NLK: variants seen among roughly 807,000 people sequenced by gnomAD.
NLK encodes the protein serine/threonine-protein kinase NLK.
A neutral mutation model predicts 59.0 loss-of-function variants in NLK; 11 were observed. That is an observed-to-expected ratio of 0.19 (90% confidence interval 0.12 to 0.31). The LOEUF (loss-of-function observed/expected upper bound fraction) is 0.31. Among genes scored for constraint, NLK ranks in the 10% least tolerant of loss-of-function variants. NLK has a pLI of 1.00. For missense variants in NLK, 410 were observed against 661.1 expected, an observed-to-expected ratio of 0.62 and a Z score of 4.16; for synonymous variants, 235 against 235.9, an observed-to-expected ratio of 1.00 and a Z score of 0.03.
intron 3 of NLK, 90 bp from the exon 4 acceptor site, chr17:28,161,070 G>A (rs1907984777): frequency 5.7e-6 from 4 of 707,766 alleles, no homozygotes; most frequent in Non-Finnish European, 7.6e-6. Context: ...TTCCAGCCTT[G>A]AGAATGGAAG....
intron 1 of NLK, among the ~76,000 whole-genome samples, chr17:28,056,532 C>A (rs1324784764): frequency 1.3e-5 from 2 of 152,130 alleles, no homozygotes; most frequent in Non-Finnish European, 2.9e-5. Context: ...TAAATGAAAC[C>A]AGGAACGTGC....
At chr17:28,120,433 G>A (rs1305309720) in intron 1 of NLK, among the ~76,000 whole-genome samples, 1 of 152,016 alleles carries the variant, frequency 6.6e-6, no homozygotes, top group East Asian at 1.9e-4. Context: ...TTAAGCAACA[G>A]TCATGAATGT....
intron 3 of NLK, among the ~76,000 whole-genome samples, chr17:28,153,006 G>A (rs1306150946): frequency 1.3e-5 from 2 of 151,460 alleles, no homozygotes; most frequent in South Asian, 2.1e-4. Context: ...AGGCACAGTG[G>A]CTCATGCCTG....
At position 28,172,517 on chromosome 17, in the gene NLK, T is replaced by C; in HGVS notation, c.1048T>C (p.Leu350=). The change falls in exon 7 of 11, where the codon TTG becomes CTG. Residue 350 remains leucine (L), a splice_region_variant and synonymous_variant. Transcript: ENST00000407008. ...LFQAQSPIQQ[L]DLITDLLGTP... ...CTATCTGTATTTTATTTCCTTGTAG[T>C]TGGATTTGATCACGGATCTGTTGGG... The C allele has an allele frequency of 6.4e-7, 1 of 1,566,964 alleles. No individual in the cohort carries two copies. The highest frequency in any genetic ancestry group is 8.6e-7 in the Non-Finnish European group (1 of 1,157,290).
At chr17:28,161,488 T>C (rs957243852) in intron 4 of NLK, among the ~76,000 whole-genome samples, 13 of 152,226 alleles carry the variant, frequency 8.5e-5, no homozygotes, top group African/African-American at 3.1e-4. Flanking sequence ...GAAAGCCCTG[T>C]CAAATTCATT....
At chr17:28,139,781 G>A (rs1906909756) in intron 3 of NLK, among the ~76,000 whole-genome samples, 1 of 152,132 alleles carries the variant, frequency 6.6e-6, no homozygotes, top group Non-Finnish European at 1.5e-5. Flanking sequence ...AACCCATATT[G>A]TATAGTCCAA....
At chr17:28,175,411 A>G (rs1271664378) in intron 7 of NLK, among the ~76,000 whole-genome samples, 3 of 151,810 alleles carry the variant, frequency 2.0e-5, no homozygotes, top group African/African-American at 7.3e-5. Context: ...AGATCACGCC[A>G]CTGCACTCCA....
intron 3 of NLK, among the ~76,000 whole-genome samples, chr17:28,134,440 A>G (rs947020796): frequency 6.6e-6 from 1 of 152,204 alleles, no homozygotes; most frequent in African/African-American, 2.4e-5. Flanking sequence ...AAGCAATATA[A>G]TGACTACTTA....
intron 1 of NLK, among the ~76,000 whole-genome samples, chr17:28,086,383 C>T (rs1910517098): frequency 6.6e-6 from 1 of 151,892 alleles, no homozygotes; most frequent in South Asian, 2.1e-4. Flanking sequence ...AAAATACTGT[C>T]TTTTAGTTGA....
At chr17:28,162,164 C>T (rs933324805) in intron 4 of NLK, among the ~76,000 whole-genome samples, 7 of 151,888 alleles carry the variant, frequency 4.6e-5, no homozygotes, top group Admixed American at 2.0e-4. Context: ...TACAGGTGCC[C>T]GCCACCACGC....
At position 28,042,845 on chromosome 17, in the gene NLK, G is replaced by A. The variant is rs964102957; in HGVS notation, c.-29G>A. On this transcript the variant is annotated 5_prime_UTR_variant, in exon 1 of 11. Transcript: ENST00000407008. ...GCCAAATGACAGCTTGACCCAGTTT[G>A]CTTTCCAATCAAAGGGCATTTATTT... 6 of 1,467,082 alleles carry A rather than the reference G, an allele frequency of 4.1e-6. No homozygotes were observed. The highest frequency in any genetic ancestry group is 5.4e-6 in the Non-Finnish European group (6 of 1,102,054). The allele number at this position is 1,467,082 out of a possible 1,614,324, so 90.9% of individuals were successfully genotyped here. A position where few individuals can be genotyped will look rare whatever the true frequency, so the allele number is the denominator to read the frequency against.
intron 1 of NLK, among the ~76,000 whole-genome samples, chr17:28,121,495 C>CTTTTTTTTTTTTTTTTTTTTT (rs58647578): frequency 2.8e-5 from 2 of 72,290 alleles, no homozygotes; most frequent in African/African-American, 5.8e-5. Context: ...TCTTTCTTTT[C>CTTTTTTTTTTTTTTTTTTTTT]TTTTTTTTTT....
chr17:28,172,754 G>T, intron 7 of NLK, 136 bp downstream of exon 7: 1 of 402,168 alleles, frequency 2.5e-6, no homozygotes. Flanking sequence ...AAGGTCCTAA[G>T]TAAGAAAATG....
At chr17:28,134,075 T>C (rs1246655661) in intron 3 of NLK, among the ~76,000 whole-genome samples, 3 of 151,596 alleles carry the variant, frequency 2.0e-5, no homozygotes, top group African/African-American at 4.8e-5. Context: ...ATGAAAAATA[T>C]TTGAAAAAAA....
chr17:28,120,235 G>GGT (rs10542547), intron 1 of NLK, among the ~76,000 whole-genome samples: 1,681 of 139,142 alleles, frequency 0.012, 19 homozygotes, highest in African/African-American at 0.023. Flanking sequence ...TTTGGCTTGG[G>GGT]GTGTGTGTGT....
At chr17:28,078,267 A>G (rs544016245) in intron 1 of NLK, among the ~76,000 whole-genome samples, 11 of 152,300 alleles carry the variant, frequency 7.2e-5, no homozygotes, top group African/African-American at 2.4e-4. Flanking sequence ...CTGAAATAAC[A>G]TGCCTTTTTT....
At chr17:28,169,727 T>C (rs1336455777) in intron 6 of NLK, among the ~76,000 whole-genome samples, 1 of 148,294 alleles carries the variant, frequency 6.7e-6, no homozygotes, top group Admixed American at 6.7e-5. Flanking sequence ...TCTTCTTTTT[T>C]TTTTTTTTTT....
intron 7 of NLK, among the ~76,000 whole-genome samples, chr17:28,180,781 A>G (rs1048273275): frequency 2.6e-5 from 4 of 152,248 alleles, no homozygotes; most frequent in African/African-American, 4.8e-5. Flanking sequence ...AGCTATTCAC[A>G]GTAAAAATTT....
At chr17:28,129,301 AAGTT>A (rs1261340286) in intron 2 of NLK, among the ~76,000 whole-genome samples, 1 of 151,984 alleles carries the variant, frequency 6.6e-6, no homozygotes, top group African/African-American at 2.4e-5. Flanking sequence ...AAAAATACAA[AAGTT>A]AGCCGGGCAT....
Sources: gnomAD v4.1 joint callset for allele counts (sites outside exome capture counted in the v4.1 genomes callset) on GRCh38, gnomAD v4.1.1 for gene constraint, MANE v1.5 for transcripts, NCBI Gene and HGNC (gene_info 2026-07-23, HGNC 2026-07-21) for gene names.